Variants in PRDM7 observed in about 807,000 individuals in gnomAD.
PRDM7 encodes histone-lysine N-methyltransferase PRDM7.
Under a neutral mutation model 64.3 loss-of-function variants are expected in PRDM7, and 52 were observed. That is an observed-to-expected ratio of 0.81 (90% CI 0.65 to 1.02). The LOEUF is 1.02. Ranked by LOEUF, PRDM7 falls within the 50% of genes least tolerant of loss-of-function variation. The pLI, the probability that PRDM7 is intolerant of heterozygous loss-of-function variation, is 0.00. For synonymous variants in PRDM7, 192 were observed against 210.1 expected (o/e 0.91, Z 0.74); for missense variants, 574 against 597.1 (o/e 0.96, Z 0.40).
chr16:90,062,483 A>C lies in PRDM7; in HGVS notation c.528T>G (p.Thr176=). ...RLKLELRRKE[T]EGKMYSLRER... Reference sequence around the variant, plus strand: ...CTCGCAGGCTATACATCTTTCCTTCAGTCTCCTTCCTCCTGAGTTCTAGGT... The same window carrying C: ...CTCGCAGGCTATACATCTTTCCTTCCGTCTCCTTCCTCCTGAGTTCTAGGT... The change falls in exon 7 of 11, where the codon ACT becomes ACG. Residue 176 remains threonine (T), a synonymous_variant. Coordinates refer to ENST00000449207, the MANE Select transcript of PRDM7 (RefSeq NM_001098173.2). The C allele has an allele frequency of 6.2e-7, 1 of 1,614,044 alleles. No homozygotes were observed. Among genetic ancestry groups the C allele is most frequent in the Non-Finnish European group, 8.5e-7 (1 of 1,179,940 alleles).
At chr16:90,071,918 C>T (rs1389482313) in intron 4 of PRDM7, among the ~76,000 whole-genome samples, 5 of 152,188 alleles carry the variant, frequency 3.3e-5, no homozygotes, top group East Asian at 1.9e-4. Context: ...AAAGGCTGGG[C>T]GCGGTGGCTC....
At chr16:90,063,898 A>G in intron 5 of PRDM7, 130 bp from the exon 6 acceptor site, 1 of 1,186,824 alleles carries the variant, frequency 8.4e-7, no homozygotes, top group Non-Finnish European at 1.2e-6. Context: ...TAAATACTAG[A>G]GGGAAAAGAC....
intron 8 of PRDM7, among the ~76,000 whole-genome samples, 186 bp downstream of exon 8, chr16:90,061,735 C>T (rs1174781191): frequency 6.6e-6 from 1 of 152,186 alleles, no homozygotes; most frequent in African/African-American, 2.4e-5. Context: ...TGTCTTTGTA[C>T]CACTCTGCTC....
chr16:90,076,984 G>A (rs1171123871), intron 1 of PRDM7, among the ~76,000 whole-genome samples: 1 of 152,024 alleles, frequency 6.6e-6, no homozygotes, highest in Non-Finnish European at 1.5e-5. Context: ...GGAAATTGTG[G>A]CTCCTCAGGC....
chr16:90,072,092 G>A (rs375292951), intron 4 of PRDM7, among the ~76,000 whole-genome samples: 5 of 152,092 alleles, frequency 3.3e-5, no homozygotes, highest in African/African-American at 7.2e-5. Context: ...TTAGCCTGGC[G>A]TGGTGGCAGG....
At position 90,066,887 on chromosome 16, in the gene PRDM7, T is replaced by G; in HGVS notation, c.325A>C (p.Arg109=). ...TTCTGGTGTTTACTCTGTTCTCCTC[T>G]GAAGGCCATCCAAGGAGGTTTGACT... ...QQVKPPWMAF[R]GEQSKHQKGM... is the part of the protein sequence containing the mutation. The change falls in exon 5 of 11, where the codon AGA becomes CGA. Residue 109 remains arginine, a synonymous_variant. Transcript: ENST00000449207. 1.2e-6 allele frequency: 2 copies of G among 1,600,168 alleles called. No individual in the cohort carries two copies. Among genetic ancestry groups the G allele is most frequent in the Non-Finnish European group, 1.7e-6 (2 of 1,169,646 alleles).
intron 5 of PRDM7, among the ~76,000 whole-genome samples, chr16:90,066,527 T>C (rs2037875325): frequency 6.6e-6 from 1 of 151,208 alleles, no homozygotes; most frequent in African/African-American, 2.5e-5. Flanking sequence ...TAACTGAACA[T>C]TTTTATACCT....
Position 90,057,715 on chromosome 16 carries a change from C to T in PRDM7, c.*574G>A. On this transcript the variant is annotated 3_prime_UTR_variant, in exon 11 of 11. Coordinates refer to ENST00000449207, the MANE Select transcript of PRDM7 (RefSeq NM_001098173.2). ...TAGTTATTTCCGATCTCTTTACACT[C>T]TCGGGGAATGTAAGGGGTTAGCAGA... The T allele has an allele frequency of 8.1e-7, 1 of 1,233,068 alleles. No homozygotes were observed. The highest frequency in any genetic ancestry group is 1.0e-6 in the Non-Finnish European group (1 of 961,534). 76.4% of individuals were successfully genotyped at this position (1,233,068 alleles called of 1,614,324 possible). A position where few individuals can be genotyped will look rare whatever the true frequency, so the allele number is the denominator to read the frequency against.
chr16:90,058,020 G>A lies in PRDM7; in HGVS notation c.*269C>T. 5.6e-6 allele frequency: 9 copies of A among 1,609,414 alleles called. No individual in the cohort carries two copies. The highest frequency in any genetic ancestry group is 7.6e-6 in the Non-Finnish European group (9 of 1,176,968). ...CTAAAGCCCTCCCACACTCTCTGCA[G>A]ACGTAGGGCTTCCCCCCTGTGTGTG... On this transcript the variant is annotated 3_prime_UTR_variant, in exon 11 of 11. Coordinates refer to ENST00000449207, the MANE Select transcript of PRDM7 (RefSeq NM_001098173.2).
intron 9 of PRDM7, among the ~76,000 whole-genome samples, chr16:90,061,043 T>A (rs993028374): frequency 2.0e-5 from 3 of 152,210 alleles, no homozygotes; most frequent in African/African-American, 7.2e-5. Flanking sequence ...TAATAGTTGA[T>A]TCATTTTTCT....
At chr16:90,072,066 T>TA (rs1237391538) in intron 4 of PRDM7, among the ~76,000 whole-genome samples, 22 of 151,812 alleles carry the variant, frequency 1.4e-4, no homozygotes, top group Non-Finnish European at 8.8e-5. Context: ...CCGTCTCTAC[T>TA]AAAAATACAA....
At chr16:90,061,670 C>T in intron 8 of PRDM7, 151 bp from the exon 9 acceptor site, 1 of 1,159,574 alleles carries the variant, frequency 8.6e-7, no homozygotes, top group Non-Finnish European at 1.3e-6. Context: ...ATCTACACAT[C>T]TGAGTTGGTT....
At chr16:90,058,775 T>C (rs2037721429) in intron 10 of PRDM7, among the ~76,000 whole-genome samples, 1 of 152,050 alleles carries the variant, frequency 6.6e-6, no homozygotes, top group Non-Finnish European at 1.5e-5. Context: ...AGACTCTGGG[T>C]AACCTCAAGC....
intron 4 of PRDM7, among the ~76,000 whole-genome samples, chr16:90,069,691 G>A (rs1451504621): frequency 6.6e-6 from 1 of 151,268 alleles, no homozygotes; most frequent in Middle Eastern, 3.4e-3. Flanking sequence ...AGGATCACTT[G>A]AACCCAGGAG....
chr16:90,075,935 C>T lies in PRDM7; in HGVS notation c.-25G>A, dbSNP rs371889496. 5.0e-6 allele frequency: 8 copies of T among 1,610,338 alleles called. No individual in the cohort carries two copies. The highest frequency in any genetic ancestry group is 4.2e-6 in the Non-Finnish European group (5 of 1,177,854). Reference sequence around the variant, plus strand: ...TGGTGCTGGGACTGTCTAGAAGGCCCTGCTCCAATTCTGAGTGTGGGAAGG... The same window carrying T: ...TGGTGCTGGGACTGTCTAGAAGGCCTTGCTCCAATTCTGAGTGTGGGAAGG... On this transcript the variant is annotated 5_prime_UTR_variant, in exon 2 of 11. Transcript: ENST00000449207. The surrounding 1 kb of genome is among the most constrained non-coding windows in gnomAD (Gnocchi z 4.3).
rs2037705939 is a variant in PRDM7 at position 90,057,747 on chromosome 16, C to G, written c.*542G>C. 3.1e-6 allele frequency: 4 copies of G among 1,275,132 alleles called. No individual in the cohort carries two copies. The highest frequency in any genetic ancestry group is 4.1e-6 in the Non-Finnish European group (4 of 981,484). The allele number at this position is 1,275,132 out of a possible 1,614,324, so 79.0% of individuals were successfully genotyped here. A position where few individuals can be genotyped will look rare whatever the true frequency, so the allele number is the denominator to read the frequency against. Reference sequence around the variant, plus strand: ...AATGTAAGGGGTTAGCAGACTTTCGCTGAAGCCACCTCAGAGCTGGGGTGT... The same window carrying G: ...AATGTAAGGGGTTAGCAGACTTTCGGTGAAGCCACCTCAGAGCTGGGGTGT... On this transcript the variant is annotated 3_prime_UTR_variant, in exon 11 of 11. Coordinates refer to ENST00000449207, the MANE Select transcript of PRDM7 (RefSeq NM_001098173.2).
At chr16:90,074,289 A>G (rs1378011311) in intron 4 of PRDM7, among the ~76,000 whole-genome samples, 22 of 139,970 alleles carry the variant, frequency 1.6e-4, no homozygotes, top group South Asian at 6.6e-4. Context: ...CATCGTCATC[A>G]TCATCATCAT....
At chr16:90,059,799 C>T (rs1426490933) in intron 10 of PRDM7, among the ~76,000 whole-genome samples, 1 of 152,216 alleles carries the variant, frequency 6.6e-6, no homozygotes, top group Non-Finnish European at 1.5e-5. Flanking sequence ...AAGCACTAAT[C>T]GCCGTCTGAT....
intron 5 of PRDM7, among the ~76,000 whole-genome samples, chr16:90,064,474 C>T (rs1328087041): frequency 1.3e-5 from 2 of 152,148 alleles, no homozygotes; most frequent in East Asian, 3.8e-4. Context: ...AATGCAGTGG[C>T]ATGATTTCAG....
Sources: gnomAD v4.1 joint callset for allele counts (sites outside exome capture counted in the v4.1 genomes callset) on GRCh38, gnomAD v4.1.1 for gene constraint, Gnocchi (gnomAD v3.1) non-coding constraint, MANE v1.5 for transcripts, NCBI Gene and HGNC (gene_info 2026-07-23, HGNC 2026-07-21) for gene names.